KIRREL3: variants seen among roughly 807,000 people sequenced by gnomAD.
KIRREL3 encodes kirre like nephrin family adhesion molecule 3, also known as kin of IRRE-like protein 3.
In KIRREL3, 36 loss-of-function variants were observed where a neutral mutation model predicts 89.7. The ratio of observed to expected loss-of-function variants is 0.40; its 90% CI spans 0.31 to 0.53. KIRREL3 has a LOEUF of 0.53. KIRREL3 is among the 20% of genes least tolerant of loss of function. The probability of loss-of-function intolerance (pLI) is 0.49; values close to 1 mark genes in which losing one functional copy is unlikely to be tolerated. For missense variants in KIRREL3, 864 were observed against 1,056.6 expected (o/e 0.82, Z 2.53); for synonymous variants, 445 against 441.4 (o/e 1.01, Z -0.10).
In KIRREL3 at chr11:126,996,907, C is replaced by T. The variant is rs1025234388; in HGVS notation, c.55+3548G>A. ...GAATCACAAGGCAGGACAGGACGCTCTAGGAATGCCAGAGCAAAATGCCAG... is the reference window on the plus strand; with the variant it reads ...GAATCACAAGGCAGGACAGGACGCTTTAGGAATGCCAGAGCAAAATGCCAG... On this transcript the variant is annotated intron_variant, in intron 1 of 16. Coordinates refer to ENST00000525144, the MANE Select transcript of KIRREL3 (RefSeq NM_032531.4). The surrounding 1 kb of genome is among the most constrained non-coding windows in gnomAD (Gnocchi z 4.7). Among the ~76,000 whole-genome samples the T allele has an allele frequency of 6.6e-6, 1 of 152,160 alleles. No homozygotes were observed. The highest frequency in any genetic ancestry group is 1.5e-5 in the Non-Finnish European group (1 of 68,010).
chr11:126,602,674 C>T (rs1446464150), intron 1 of KIRREL3, among the ~76,000 whole-genome samples: 2 of 152,146 alleles, frequency 1.3e-5, no homozygotes, highest in African/African-American at 4.8e-5. Context: ...TGAAGCCCTG[C>T]CCCAGCTGTG....
chr11:126,450,675 A>C (rs1956037530), intron 7 of KIRREL3, among the ~76,000 whole-genome samples: 1 of 127,972 alleles, frequency 7.8e-6, no homozygotes, highest in South Asian at 2.7e-4. Flanking sequence ...GTGTGTGTCC[A>C]TGTGCATGGT....
At chr11:126,446,697 T>G in intron 9 of KIRREL3, 62 bp downstream of exon 9, 1 of 1,528,034 alleles carries the variant, frequency 6.5e-7, no homozygotes, top group African/African-American at 1.4e-5. Context: ...CAGCAGTTCC[T>G]TCTTGCTCCA....
At chr11:126,472,703 GGAGA>G (rs56276959) in intron 5 of KIRREL3, among the ~76,000 whole-genome samples, 1,832 of 134,206 alleles carry the variant, frequency 0.014, 47 homozygotes, top group African/African-American at 0.046. Context: ...AGGACATAGA[GGAGA>G]GAGAGAGAGA....
rs1045591802 is a variant in KIRREL3 at position 126,744,351 on chromosome 11, C to A, written c.56-181439G>T. The stretch of plus-strand genomic sequence containing the variant: ...GGGAGGTTCACCCGCAGGAGGTGTG[C>A]TGACCAGAGAGGATGAAAGGGAAGC... On this transcript the variant is annotated intron_variant, in intron 1 of 16. Transcript: ENST00000525144. This position sits in a 1 kb window ranked among gnomAD's most constrained non-coding sequence, Gnocchi z 4.7. Among the ~76,000 whole-genome samples the A allele has an allele frequency of 1.3e-5, 2 of 151,946 alleles. No homozygotes were observed. The highest frequency in any genetic ancestry group is 1.3e-4 in the Admixed American group (2 of 15,248).
At position 126,783,364 on chromosome 11, in the gene KIRREL3, T is replaced by C. The variant is rs1950385747; in HGVS notation, c.55+217091A>G. Among the ~76,000 whole-genome samples, 1 of 152,234 alleles carries C rather than the reference T, an allele frequency of 6.6e-6. No homozygotes were observed. Among genetic ancestry groups the C allele is most frequent in the South Asian group, 2.1e-4 (1 of 4,830 alleles). On this transcript the variant is annotated intron_variant, in intron 1 of 16. Transcript: ENST00000525144. The surrounding 1 kb of genome is among the most constrained non-coding windows in gnomAD (Gnocchi z 4.3). ...GGATTAAGGGCTTACCTTACTCCAGTATGACTTCATCCTAACTAGTGACAC... is the reference window on the plus strand; with the variant it reads ...GGATTAAGGGCTTACCTTACTCCAGCATGACTTCATCCTAACTAGTGACAC...
intron 1 of KIRREL3, among the ~76,000 whole-genome samples, chr11:126,818,618 AGTAGTAGTGTGTGTGT>A (rs753783819): frequency 9.6e-5 from 7 of 72,928 alleles, no homozygotes; most frequent in Non-Finnish European, 2.7e-4. Flanking sequence ...TAGTAGTAGT[AGTAGTAGTGTGTGTGT>A]GTGTGTGTGT....
rs144243891 is a variant in KIRREL3, at chr11:126,744,814, A to G, written c.56-181902T>C. Among the ~76,000 whole-genome samples the G allele has an allele frequency of 1.8e-3, 264 of 150,676 alleles. 2 individuals are homozygous for G. The highest frequency in any genetic ancestry group is 6.1e-3 in the African/African-American group (251 of 40,856). On this transcript the variant is annotated intron_variant, in intron 1 of 16. Transcript: ENST00000525144. This position sits in a 1 kb window ranked among gnomAD's most constrained non-coding sequence, Gnocchi z 4.7. ...ATAGGCTTCATGAGGCAGGTACTGT[A>G]TTTGCCCTGTTGCCTGCTCTGTCCC...
intron 7 of KIRREL3, among the ~76,000 whole-genome samples, chr11:126,451,506 G>A (rs1956159536): frequency 6.7e-6 from 1 of 150,334 alleles, no homozygotes; most frequent in Non-Finnish European, 1.5e-5. Context: ...GCATGTGTGA[G>A]TGTGTCCATT....
intron 1 of KIRREL3, among the ~76,000 whole-genome samples, chr11:126,806,549 A>G (rs1009142225): frequency 6.6e-6 from 1 of 151,960 alleles, no homozygotes; most frequent in Non-Finnish European, 1.5e-5. Context: ...TTTCAGTGAT[A>G]CTCCCTGAGT....
intron 1 of KIRREL3, among the ~76,000 whole-genome samples, chr11:126,864,042 C>T (rs558179042): frequency 1.3e-5 from 2 of 152,338 alleles, no homozygotes; most frequent in South Asian, 4.1e-4. Flanking sequence ...TCCTCCGCTC[C>T]TCCCCAACCG....
chr11:126,631,124 T>TATTCATTC (rs201430801), intron 1 of KIRREL3, among the ~76,000 whole-genome samples: 355 of 106,752 alleles, frequency 3.3e-3, no homozygotes, highest in Middle Eastern at 0.012. Flanking sequence ...TGTATGTATG[T>TATTCATTC]ATTCATTCAT....
In KIRREL3 at chr11:126,652,289, G is replaced by A. The variant is rs1944936840; in HGVS notation, c.56-89377C>T. ...CCCACTGGCCAAAAAGCCCGGGTTG[G>A]GGTCTCTGTGGGTTGATGGATATAA... On this transcript the variant is annotated intron_variant, in intron 1 of 16. Coordinates refer to ENST00000525144, the MANE Select transcript of KIRREL3 (RefSeq NM_032531.4). The surrounding 1 kb of genome is among the most constrained non-coding windows in gnomAD (Gnocchi z 4.9). Among the ~76,000 whole-genome samples the A allele has an allele frequency of 6.6e-6, 1 of 152,078 alleles. No homozygotes were observed. Among genetic ancestry groups the A allele is most frequent in the Admixed American group, 6.6e-5 (1 of 15,254 alleles).
Position 126,551,386 on chromosome 11 carries a change from C to T in KIRREL3, c.133+11449G>A, listed in dbSNP as rs1255169687. 6.6e-6 allele frequency among the ~76,000 whole-genome samples: 1 copy of T among 152,100 alleles called. No homozygotes were observed. Among genetic ancestry groups the T allele is most frequent in the East Asian group, 1.9e-4 (1 of 5,164 alleles). On this transcript the variant is annotated intron_variant, in intron 2 of 16. Transcript: ENST00000525144. The surrounding 1 kb of genome is among the most constrained non-coding windows in gnomAD (Gnocchi z 4.9). Reference sequence around the variant, plus strand: ...GAGATCCTGTTTCCCGAGGCCTGCCCCTGAGGCCTAACACACCCAACATAT... The same window carrying T: ...GAGATCCTGTTTCCCGAGGCCTGCCTCTGAGGCCTAACACACCCAACATAT...
chr11:126,778,484 G>A lies in KIRREL3; in HGVS notation c.56-215572C>T, dbSNP rs1950233935. Among the ~76,000 whole-genome samples the A allele has an allele frequency of 6.6e-6, 1 of 152,172 alleles. No individual in the cohort carries two copies. The highest frequency in any genetic ancestry group is 1.5e-5 in the Non-Finnish European group (1 of 68,026). On this transcript the variant is annotated intron_variant, in intron 1 of 16. Transcript: ENST00000525144. The surrounding 1 kb of genome is among the most constrained non-coding windows in gnomAD (Gnocchi z 4.5). Reference sequence around the variant, plus strand: ...GTGAGGTTGTGCTATAATGTATTAAGCCAATCCTCAATTGTTGGAATTTGT... The same window carrying A: ...GTGAGGTTGTGCTATAATGTATTAAACCAATCCTCAATTGTTGGAATTTGT...
intron 1 of KIRREL3, among the ~76,000 whole-genome samples, chr11:126,681,053 C>T (rs1236782132): frequency 2.6e-5 from 4 of 152,160 alleles, no homozygotes; most frequent in South Asian, 2.1e-4. Context: ...AACTAACCTC[C>T]GTCATGATGT....
At position 126,841,812 on chromosome 11, in the gene KIRREL3, C is replaced by T. The variant is rs539816271; in HGVS notation, c.55+158643G>A. On this transcript the variant is annotated intron_variant, in intron 1 of 16. Coordinates refer to ENST00000525144, the MANE Select transcript of KIRREL3 (RefSeq NM_032531.4). Reference sequence around the variant, plus strand: ...AGTGGTCTTCTGAATCTCAACAGGCCCCGAAGGTCTTAGTCATGCTCACCT... The same window carrying T: ...AGTGGTCTTCTGAATCTCAACAGGCTCCGAAGGTCTTAGTCATGCTCACCT... Among the ~76,000 whole-genome samples, 10 of 152,278 alleles carry T rather than the reference C, an allele frequency of 6.6e-5. No individual in the cohort carries two copies. The South Asian group carries it at 1.0e-3, about 16-fold the overall frequency.
intron 4 of KIRREL3, among the ~76,000 whole-genome samples, chr11:126,497,454 A>C (rs150452874): frequency 6.6e-6 from 1 of 152,322 alleles, no homozygotes; most frequent in Non-Finnish European, 1.5e-5. Flanking sequence ...GAGCATTTCC[A>C]ACAAATAACT....
intron 11 of KIRREL3, among the ~76,000 whole-genome samples, chr11:126,439,030 A>G (rs1955463340): frequency 6.6e-6 from 1 of 152,194 alleles, no homozygotes; most frequent in Admixed American, 6.5e-5. Context: ...AGTGCTATAA[A>G]ATGCTCACTT....
Sources: allele counts gnomAD v4.1 joint callset (sites outside exome capture counted in the v4.1 genomes callset), GRCh38; gene constraint gnomAD v4.1.1; non-coding constraint Gnocchi (gnomAD v3.1); transcripts MANE v1.5; gene names NCBI Gene and HGNC (gene_info 2026-07-23, HGNC 2026-07-21).